The following SPECC1 variants were observed in gnomAD, a reference collection of about 807,000 sequenced individuals.
The protein encoded by SPECC1 is cytospin-B.
SPECC1 carries 62 observed loss-of-function variants against 104.1 expected under a neutral mutation model. That is an observed-to-expected ratio of 0.60 (90% CI 0.49 to 0.74). The LOEUF is 0.74. Ranked by LOEUF, SPECC1 falls within the 30% of genes least tolerant of loss-of-function variation. The pLI is 0.00. For synonymous variants in SPECC1, 513 were observed against 501.6 expected (o/e 1.02, Z -0.30); for missense variants, 1,306 against 1,310.5 (o/e 1.00, Z 0.05).
chr17:20,113,247 G>A (rs1315249780), intron 3 of SPECC1, among the ~76,000 whole-genome samples: 2 of 151,954 alleles, frequency 1.3e-5, no homozygotes, highest in African/African-American at 4.8e-5. Context: ...CAGGGTAGGG[G>A]GGTTTACCTG....
intron 3 of SPECC1, among the ~76,000 whole-genome samples, chr17:20,165,676 A>G (rs1399481227): frequency 1.3e-5 from 2 of 152,184 alleles, no homozygotes; most frequent in African/African-American, 4.8e-5. Flanking sequence ...TCCCACCAAC[A>G]GTGTATTTCT....
chr17:20,253,232 C>G (rs914417051), intron 9 of SPECC1, among the ~76,000 whole-genome samples: 2 of 152,042 alleles, frequency 1.3e-5, no homozygotes, highest in African/African-American at 4.8e-5. Flanking sequence ...TTCACAAAGC[C>G]AATTAATAAT....
rs148507611 is a variant in SPECC1 at position 20,240,691 on chromosome 17, A to C, written c.2352-5235A>C. Among the ~76,000 whole-genome samples the C allele has an allele frequency of 2.0e-5, 3 of 152,316 alleles. No individual in the cohort carries two copies. The East Asian group carries it at 5.8e-4, about 29-fold the overall frequency. ...ATCCCACCTTTACATGGTTTATGTC[A>C]TCCACATTCAGAGAGACCTGCCCTA... On this transcript the variant is annotated intron_variant, in intron 7 of 14. Transcript: ENST00000395527.
At chr17:20,094,030 TA>T (rs1180330483) in intron 1 of SPECC1, among the ~76,000 whole-genome samples, 1 of 152,032 alleles carries the variant, frequency 6.6e-6, no homozygotes, top group Non-Finnish European at 1.5e-5. Flanking sequence ...TCCCAGCCTA[TA>T]TTGTATATTT....
At chr17:20,263,401 G>A (rs1419022201) in intron 12 of SPECC1, among the ~76,000 whole-genome samples, 3 of 150,082 alleles carry the variant, frequency 2.0e-5, no homozygotes, top group Non-Finnish European at 4.4e-5. Context: ...GATAGCATTA[G>A]GAGATATACC....
chr17:20,057,892 T>C (rs1471332495), intron 1 of SPECC1: 1 of 152,176 alleles, frequency 6.6e-6, no homozygotes, highest in Non-Finnish European at 1.5e-5. Context: ...TTTGCAGCAT[T>C]TCAGTGTAGT....
intron 4 of SPECC1, among the ~76,000 whole-genome samples, chr17:20,207,652 T>TA (rs2036873239): frequency 1.3e-5 from 2 of 152,220 alleles, no homozygotes; most frequent in Admixed American, 1.3e-4. Context: ...CAGAAAAGTA[T>TA]AAAAAAGAAA....
chr17:20,073,799 C>A (rs930673568), intron 1 of SPECC1: 4 of 152,032 alleles, frequency 2.6e-5, no homozygotes, highest in Non-Finnish European at 5.9e-5. Context: ...TCTTACAGAC[C>A]CAGTGGATCT....
chr17:20,252,172 A>G (rs2039657397), intron 9 of SPECC1, among the ~76,000 whole-genome samples: 1 of 152,202 alleles, frequency 6.6e-6, no homozygotes, highest in Admixed American at 6.5e-5. Context: ...TGGCAGTAAA[A>G]AAAATACACC....
chr17:20,078,748 G>C (rs2046859535), intron 1 of SPECC1, among the ~76,000 whole-genome samples: 1 of 152,078 alleles, frequency 6.6e-6, no homozygotes, highest in South Asian at 2.1e-4. Context: ...AAAAATATAA[G>C]CTATATATTT....
intron 4 of SPECC1, among the ~76,000 whole-genome samples, chr17:20,223,561 T>C (rs2038022478): frequency 6.6e-6 from 1 of 151,652 alleles, no homozygotes; most frequent in Admixed American, 6.6e-5. Flanking sequence ...TAATCCCAGC[T>C]ACTCAGGAGG....
At chr17:20,202,010 T>C (rs1465517155) in intron 3 of SPECC1, among the ~76,000 whole-genome samples, 1 of 152,256 alleles carries the variant, frequency 6.6e-6, no homozygotes, top group Admixed American at 6.5e-5. Flanking sequence ...TAATCAGTTT[T>C]ATCATTTACT....
chr17:20,018,565 T>C lies in SPECC1; in HGVS notation c.-22+9141T>C, dbSNP rs76406831. Reference sequence around the variant, plus strand: ...GCCACCATGCCCAGTCCTTGGTCTTTTATAATTTATTTCTGTGTTGGGGGC... The same window carrying C: ...GCCACCATGCCCAGTCCTTGGTCTTCTATAATTTATTTCTGTGTTGGGGGC... On this transcript the variant is annotated intron_variant, in intron 1 of 14. Transcript: ENST00000395527. Among the ~76,000 whole-genome samples, 9 of 152,326 alleles carry C rather than the reference T, an allele frequency of 5.9e-5. No homozygotes were observed. The East Asian group carries it at 1.4e-3, about 23-fold the overall frequency.
intron 1 of SPECC1, among the ~76,000 whole-genome samples, chr17:20,084,667 C>T (rs895698220): frequency 1.3e-5 from 2 of 152,024 alleles, no homozygotes; most frequent in Non-Finnish European, 2.9e-5. Flanking sequence ...TTTTATTGCT[C>T]ATATTTTTGG....
At chr17:20,279,009 A>G (rs2151661744) in intron 12 of SPECC1, among the ~76,000 whole-genome samples, 1 of 152,278 alleles carries the variant, frequency 6.6e-6, no homozygotes, top group East Asian at 1.9e-4. Flanking sequence ...GTATGCCAGC[A>G]GCTGCTGCTG....
chr17:20,290,910 C>T (rs2041058693), intron 12 of SPECC1, among the ~76,000 whole-genome samples: 1 of 152,190 alleles, frequency 6.6e-6, no homozygotes, highest in African/African-American at 2.4e-5. Flanking sequence ...CTCTCAAATG[C>T]TTCTGAAGAT....
chr17:20,047,905 A>G lies in SPECC1; in HGVS notation c.-22+38481A>G, dbSNP rs556594034. Among the ~76,000 whole-genome samples, 5 of 152,180 alleles carry G rather than the reference A, an allele frequency of 3.3e-5. No homozygotes were observed. In the South Asian group the frequency reaches 1.0e-3, roughly 32 times the overall value. ...GATTTCCTATATTCCATTTCCCCAA[A>G]TGAATGTCCGCTTTCACTGACTTCT... On this transcript the variant is annotated intron_variant, in intron 1 of 14. Coordinates refer to ENST00000395527, the MANE Select transcript of SPECC1 (RefSeq NM_001243439.2).
At chr17:20,050,521 G>T (rs1345111883) in intron 1 of SPECC1, among the ~76,000 whole-genome samples, 1 of 152,126 alleles carries the variant, frequency 6.6e-6, no homozygotes, top group Non-Finnish European at 1.5e-5. Context: ...AGTCTTATTG[G>T]AATATTTCAG....
chr17:20,152,985 CTAT>C (rs1363208234), intron 3 of SPECC1, among the ~76,000 whole-genome samples: 4 of 152,162 alleles, frequency 2.6e-5, no homozygotes. Flanking sequence ...ATAAGGCCAC[CTAT>C]CCTGCTAGAT....
Sources: gnomAD v4.1 joint callset for allele counts (sites outside exome capture counted in the v4.1 genomes callset) on GRCh38, gnomAD v4.1.1 for gene constraint, MANE v1.5 for transcripts, NCBI Gene and HGNC (gene_info 2026-07-23, HGNC 2026-07-21) for gene names.